MSH3: variants seen among roughly 807,000 people sequenced by gnomAD.
MSH3 encodes mutS homolog 3, also known as DNA mismatch repair protein Msh3.
A neutral mutation model predicts 123.3 loss-of-function variants in MSH3; 106 were observed. The ratio of observed to expected loss-of-function variants is 0.86; its 90% CI spans 0.73 to 1.01. The LOEUF (loss-of-function observed/expected upper bound fraction) is 1.01. MSH3 is among the 50% of genes least tolerant of loss of function. MSH3 has a pLI of 0.00. For synonymous variants in MSH3, 515 were observed against 481.4 expected (o/e 1.07, Z -0.91); for missense variants, 1,459 against 1,347.6 (o/e 1.08, Z -1.29).
At chr5:80,776,393 T>C (rs568340139) in intron 16 of MSH3, among the ~76,000 whole-genome samples, 43 of 152,352 alleles carry the variant, frequency 2.8e-4, no homozygotes, top group African/African-American at 9.1e-4. Flanking sequence ...TTGCTTTTAC[T>C]TCATGGTGAA....
At chr5:80,796,957 T>C (rs552014938) in intron 19 of MSH3, among the ~76,000 whole-genome samples, 2 of 152,294 alleles carry the variant, frequency 1.3e-5, no homozygotes, top group South Asian at 4.1e-4. Context: ...TCCAGCCAGA[T>C]TGGACTTCAT....
chr5:80,720,574 C>T (rs1054610082), intron 8 of MSH3, among the ~76,000 whole-genome samples: 24 of 152,156 alleles, frequency 1.6e-4, no homozygotes, highest in Middle Eastern at 3.4e-3. Flanking sequence ...TCTCTAATTC[C>T]TGAGTTCTGC....
intron 20 of MSH3, among the ~76,000 whole-genome samples, chr5:80,849,357 A>G (rs1246465599): frequency 2.0e-5 from 3 of 152,126 alleles, no homozygotes; most frequent in African/African-American, 7.2e-5. Context: ...TTCTTCTCAC[A>G]GTTCCACTAG....
At chr5:80,723,750 T>C (rs1193009934) in intron 8 of MSH3, among the ~76,000 whole-genome samples, 1 of 127,598 alleles carries the variant, frequency 7.8e-6, no homozygotes, top group Non-Finnish European at 1.6e-5. Context: ...CAAGATAATG[T>C]TTGCTTCTTT....
At chr5:80,655,512 G>A (rs560687551) in intron 1 of MSH3, 2 of 198,410 alleles carry the variant, frequency 1.0e-5, no homozygotes, top group South Asian at 1.9e-4. Flanking sequence ...GGTGGATAAA[G>A]TTTCTTAGGA....
intron 8 of MSH3, among the ~76,000 whole-genome samples, chr5:80,688,847 C>T (rs1400021610): frequency 2.6e-5 from 4 of 151,822 alleles, no homozygotes; most frequent in Admixed American, 6.6e-5. Context: ...ATTAAGTGGT[C>T]GGTACTTGAT....
chr5:80,854,731 C>T (rs956135579), intron 21 of MSH3, among the ~76,000 whole-genome samples: 1 of 152,150 alleles, frequency 6.6e-6, no homozygotes, highest in African/African-American at 2.4e-5. Flanking sequence ...GACAGATTGA[C>T]CCTAAATAAT....
At chr5:80,873,080 C>T (rs1746248752) in intron 22 of MSH3, 36 bp from the exon 23 acceptor site, 1 of 1,579,600 alleles carries the variant, frequency 6.3e-7, no homozygotes. Flanking sequence ...TTTCAGCTTT[C>T]AGGCACAGTT....
intron 8 of MSH3, among the ~76,000 whole-genome samples, chr5:80,703,681 C>T (rs1750657923): frequency 6.6e-6 from 1 of 152,052 alleles, no homozygotes; most frequent in Non-Finnish European, 1.5e-5. Flanking sequence ...TTTATCTTTC[C>T]TTCTGTAACA....
chr5:80,777,815 C>T (rs6151816), intron 16 of MSH3, among the ~76,000 whole-genome samples: 20,300 of 152,098 alleles, frequency 0.13, 1,392 homozygotes, highest in East Asian at 0.28. Context: ...GACACCTTGA[C>T]CTTTTCTTCT....
chr5:80,812,168 G>A (rs1230442373), intron 19 of MSH3, among the ~76,000 whole-genome samples: 1 of 152,130 alleles, frequency 6.6e-6, no homozygotes, highest in Non-Finnish European at 1.5e-5. Context: ...GCACAGTTTG[G>A]CATTAGGGAG....
rs778485136 is a variant in MSH3, at chr5:80,768,084, A to T, written c.2048A>T (p.Glu683Val). 5 of 1,613,738 alleles carry T rather than the reference A, an allele frequency of 3.1e-6. No individual in the cohort carries two copies. The Admixed American group carries it at 8.3e-5, about 27-fold the overall frequency. ...ATTCCTGAACTCCTCAGTCCAGTGG[A>T]GCATTACTTAAAGATACTCAATGAA... ...LEIPELLSPV[E>V]HYLKILNEQA... Residue 683 changes from glutamate to valine, a missense_variant, in exon 14 of 24, where the codon GAG (glutamate) becomes GTG (valine). Transcript: ENST00000265081.
intron 19 of MSH3, among the ~76,000 whole-genome samples, chr5:80,806,953 AG>A (rs1744901702): frequency 6.6e-6 from 1 of 152,092 alleles, no homozygotes; most frequent in Admixed American, 6.5e-5. Context: ...CTGTAATCCC[AG>A]GACATTGGGA....
chr5:80,666,959 A>T (rs1421083638), intron 3 of MSH3, among the ~76,000 whole-genome samples: 1 of 152,210 alleles, frequency 6.6e-6, no homozygotes, highest in African/African-American at 2.4e-5. Context: ...TCTGATGAGT[A>T]TTTCTATCCA....
rs1457568039 is a variant in MSH3 at position 80,839,358 on chromosome 5, ACT to A, written c.2814-14769_2814-14768del. Among the ~76,000 whole-genome samples the A allele has an allele frequency of 2.6e-5, 4 of 152,130 alleles. No individual in the cohort carries two copies. In the East Asian group the frequency reaches 5.8e-4, roughly 22 times the overall value. ...AATCCAACCTGGACAACAGAGTGAGACTCTGTCTCAATAAAATAAAATAAATT... is the reference window on the plus strand; with the variant it reads ...AATCCAACCTGGACAACAGAGTGAGACTGTCTCAATAAAATAAAATAAATT... On this transcript the variant is annotated intron_variant, in intron 20 of 23. Transcript: ENST00000265081.
At chr5:80,680,510 T>A (rs977878192) in intron 8 of MSH3, among the ~76,000 whole-genome samples, 23 of 151,884 alleles carry the variant, frequency 1.5e-4, no homozygotes, top group Admixed American at 6.6e-5. Context: ...TCCGTGTGTG[T>A]ATATCACTTT....
intron 1 of MSH3, among the ~76,000 whole-genome samples, chr5:80,656,163 C>T (rs1749278453): frequency 6.6e-6 from 1 of 152,160 alleles, no homozygotes; most frequent in East Asian, 1.9e-4. Flanking sequence ...CCGGTAGCAG[C>T]CTTGGTTTCA....
At chr5:80,707,578 C>T (rs1405791000) in intron 8 of MSH3, among the ~76,000 whole-genome samples, 2 of 151,274 alleles carry the variant, frequency 1.3e-5, no homozygotes, top group East Asian at 3.9e-4. Context: ...ACAAAAAAAC[C>T]CCAAAAAGCC....
At chr5:80,703,322 C>G (rs1453046470) in intron 8 of MSH3, among the ~76,000 whole-genome samples, 1 of 152,166 alleles carries the variant, frequency 6.6e-6, no homozygotes, top group East Asian at 1.9e-4. Flanking sequence ...GTATACTTTA[C>G]ATTCTTTTAT....
Sources: allele counts gnomAD v4.1 joint callset (sites outside exome capture counted in the v4.1 genomes callset), GRCh38; gene constraint gnomAD v4.1.1; transcripts MANE v1.5; gene names NCBI Gene and HGNC (gene_info 2026-07-23, HGNC 2026-07-21).